UTS2B: variants seen among roughly 807,000 people sequenced by gnomAD.
The protein encoded by UTS2B is urotensin-2B.
UTS2B carries 21 observed loss-of-function variants against 19.2 expected under a neutral mutation model. The ratio of observed to expected loss-of-function variants is 1.09; its 90% CI spans 0.78 to 1.58. The LOEUF (loss-of-function observed/expected upper bound fraction) is 1.58, where lower values mean the gene tolerates loss of function less well. UTS2B is among the 40% of genes most tolerant of loss of function. The probability of loss-of-function intolerance (pLI) is 0.00; values close to 1 mark genes in which losing one functional copy is unlikely to be tolerated. For missense variants in UTS2B, 138 were observed against 130.3 expected (o/e 1.06, Z -0.29); for synonymous variants, 57 against 50.2 (o/e 1.14, Z -0.58).
chr3:191,291,990 T>C (rs973687466), intron 4 of UTS2B, among the ~76,000 whole-genome samples: 1 of 152,194 alleles, frequency 6.6e-6, no homozygotes, highest in African/African-American at 2.4e-5. Flanking sequence ...TGTTTATTAA[T>C]GTAGCTTTGT....
intron 4 of UTS2B, among the ~76,000 whole-genome samples, chr3:191,294,122 CAA>C (rs140118152): frequency 8.9e-6 from 1 of 112,550 alleles, no homozygotes; most frequent in Non-Finnish European, 2.0e-5. Flanking sequence ...AAAACAAAAA[CAA>C]AAACAAACAA....
chr3:191,313,516 C>T (rs543218720), intron 3 of UTS2B, among the ~76,000 whole-genome samples: 5 of 151,292 alleles, frequency 3.3e-5, no homozygotes, highest in Middle Eastern at 3.4e-3. Flanking sequence ...ATACCCATAA[C>T]GATATATGTT....
chr3:191,331,773 C>T (rs1717994824), upstream of UTS2B, among the ~76,000 whole-genome samples: 2 of 152,116 alleles, frequency 1.3e-5, no homozygotes, highest in African/African-American at 4.8e-5. Context: ...TTAATTATGG[C>T]CCAGTTACTC....
At chr3:191,310,948 T>C (rs1717286209) in intron 3 of UTS2B, among the ~76,000 whole-genome samples, 1 of 152,244 alleles carries the variant, frequency 6.6e-6, no homozygotes, top group South Asian at 2.1e-4. Flanking sequence ...TTTCAGAAGC[T>C]GCAACTGGCA....
At position 191,329,218 on chromosome 3, in the gene UTS2B, G is replaced by A. The variant is rs368705093; in HGVS notation, c.-664-509C>T. The A allele has an allele frequency of 3.7e-3, 583 of 159,276 alleles. 3 individuals carry two copies. The highest frequency in any genetic ancestry group is 0.012 in the African/African-American group (519 of 41,732). 9.9% of individuals were successfully genotyped at this position (159,276 alleles called of 1,614,324 possible). Reference sequence around the variant, plus strand: ...GGGGCGGGAGCACAGCGGGGCCCCAGCCTCAGGCGGCGCGTCACTGAGCAC... The same window carrying A: ...GGGGCGGGAGCACAGCGGGGCCCCAACCTCAGGCGGCGCGTCACTGAGCAC... On this transcript the variant is annotated intron_variant, in intron 1 of 8. Coordinates refer to ENST00000340524, the MANE Select transcript of UTS2B (RefSeq NM_198152.5).
chr3:191,325,113 G>T (rs1483147504), intron 2 of UTS2B, among the ~76,000 whole-genome samples: 1 of 152,156 alleles, frequency 6.6e-6, no homozygotes, highest in East Asian at 1.9e-4. Flanking sequence ...CAGAAGGAAT[G>T]ACTCTGTATG....
intron 2 of UTS2B, among the ~76,000 whole-genome samples, chr3:191,319,291 C>G (rs996963389): frequency 2.0e-5 from 3 of 152,196 alleles, no homozygotes; most frequent in African/African-American, 7.2e-5. Flanking sequence ...TCGCCTACAC[C>G]CTTGTGATAG....
chr3:191,340,341 G>T, the UTS2B span, among the ~76,000 whole-genome samples: 3 of 152,170 alleles, frequency 2.0e-5, no homozygotes, highest in African/African-American at 7.2e-5. Flanking sequence ...TGTAAATTGG[G>T]CAAGTAAATC....
chr3:191,278,781 T>G (rs1248687249), intron 5 of UTS2B, among the ~76,000 whole-genome samples: 1 of 151,880 alleles, frequency 6.6e-6, no homozygotes, highest in Non-Finnish European at 1.5e-5. Context: ...CATTCTGGAG[T>G]AGAAATTGAG....
At chr3:191,301,235 G>C (rs991117108) in intron 4 of UTS2B, among the ~76,000 whole-genome samples, 1 of 152,050 alleles carries the variant, frequency 6.6e-6, no homozygotes, top group African/African-American at 2.4e-5. Context: ...CATTCTAGCT[G>C]GTGCCCTAAA....
At chr3:191,279,741 C>T (rs1716332343) in intron 5 of UTS2B, among the ~76,000 whole-genome samples, 1 of 151,952 alleles carries the variant, frequency 6.6e-6, no homozygotes, top group Non-Finnish European at 1.5e-5. Flanking sequence ...TTTCTTATCA[C>T]TATCTCTTAA....
intron 2 of UTS2B, among the ~76,000 whole-genome samples, chr3:191,324,775 G>A (rs1457042546): frequency 2.0e-5 from 3 of 152,152 alleles, no homozygotes; most frequent in African/African-American, 4.8e-5. Context: ...AAGGCCCGGC[G>A]TGGTGGCTCA....
At chr3:191,340,251 A>G in the UTS2B span, among the ~76,000 whole-genome samples, 1 of 152,204 alleles carries the variant, frequency 6.6e-6, no homozygotes, top group Non-Finnish European at 1.5e-5. Context: ...TAAAATTCTG[A>G]CAGGTATCTG....
At chr3:191,343,040 A>G in the UTS2B span, among the ~76,000 whole-genome samples, 4 of 152,148 alleles carry the variant, frequency 2.6e-5, no homozygotes, top group Non-Finnish European at 4.4e-5. Flanking sequence ...TTTTTTTTCA[A>G]TCAAGTGTAG....
intron 3 of UTS2B, among the ~76,000 whole-genome samples, chr3:191,310,574 A>G (rs577965502): frequency 3.3e-5 from 5 of 152,130 alleles, no homozygotes; most frequent in Non-Finnish European, 7.3e-5. Context: ...GGCCATTGCT[A>G]TTTCTGTGAG....
intron 4 of UTS2B, among the ~76,000 whole-genome samples, chr3:191,289,439 T>TAAA (rs1026121439): frequency 6.9e-6 from 1 of 144,388 alleles, no homozygotes; most frequent in African/African-American, 2.5e-5. Context: ...AATAAATAAA[T>TAAA]AAATAAATAA....
At chr3:191,326,194 A>G (rs1056912893) in intron 2 of UTS2B, among the ~76,000 whole-genome samples, 1 of 152,150 alleles carries the variant, frequency 6.6e-6, no homozygotes, top group Non-Finnish European at 1.5e-5. Flanking sequence ...ATTCTTACTG[A>G]TAATAAAATT....
chr3:191,268,437 G>A lies in UTS2B; in HGVS notation c.339C>T (p.Cys113=), dbSNP rs1432734200. Residue 113 remains cysteine (C), a synonymous_variant, in exon 9 of 9, where the codon TGC becomes TGT. Transcript: ENST00000340524. ...AGCTTTAAACACAGTATTTCCAAAA[G>A]CAAGCTAAAGAAGAAAACAAAATAC... is the stretch of plus-strand genomic sequence containing the variant. ...LFSSHPSKRA[C]FWKYCV 6.4e-7 allele frequency: 1 copy of A among 1,559,736 alleles called. No individual in the cohort carries two copies.
intron 2 of UTS2B, among the ~76,000 whole-genome samples, chr3:191,317,471 GCTC>G (rs1717495111): frequency 6.6e-6 from 1 of 152,280 alleles, no homozygotes; most frequent in Non-Finnish European, 1.5e-5. Context: ...CGGGCGAAGG[GCTC>G]CTCAAGTGTG....
Sources: allele counts gnomAD v4.1 joint callset (sites outside exome capture counted in the v4.1 genomes callset), GRCh38; gene constraint gnomAD v4.1.1; transcripts MANE v1.5; gene names NCBI Gene and HGNC (gene_info 2026-07-23, HGNC 2026-07-21).